Variants in AKAP10 observed in about 807,000 individuals in gnomAD.
The protein encoded by AKAP10 is A-kinase anchor protein 10, mitochondrial.
In AKAP10, 24 loss-of-function variants were observed where a neutral mutation model predicts 80.8. That is an observed-to-expected ratio of 0.30 (90% confidence interval 0.22 to 0.42). The LOEUF is 0.42. AKAP10 is among the 10% of genes least tolerant of loss of function. The probability of loss-of-function intolerance (pLI) is 1.00; values close to 1 mark genes in which losing one functional copy is unlikely to be tolerated. For missense variants in AKAP10, 661 were observed against 794.9 expected, an observed-to-expected ratio of 0.83 and a Z score of 2.03; for synonymous variants, 291 against 277.7, an observed-to-expected ratio of 1.05 and a Z score of -0.48.
At chr17:19,963,175 C>T (rs1389290587) in intron 2 of AKAP10, among the ~76,000 whole-genome samples, 153 bp from the exon 3 acceptor site, 1 of 149,836 alleles carries the variant, frequency 6.7e-6, no homozygotes, top group African/African-American at 2.5e-5. Flanking sequence ...GGAAAAGTAA[C>T]TTAATCAAGT....
chr17:19,924,850 G>A (rs1321802238), intron 10 of AKAP10, among the ~76,000 whole-genome samples: 5 of 151,986 alleles, frequency 3.3e-5, no homozygotes, highest in Non-Finnish European at 7.4e-5. Flanking sequence ...GAAAGTGCTG[G>A]GATTACAGGT....
chr17:19,911,338 C>T (rs947434449), intron 12 of AKAP10, among the ~76,000 whole-genome samples: 1 of 152,210 alleles, frequency 6.6e-6, no homozygotes, highest in Non-Finnish European at 1.5e-5. Flanking sequence ...CACCAAATTT[C>T]ACCTTAGAAT....
At chr17:19,922,200 A>G (rs2042825101) in intron 11 of AKAP10, among the ~76,000 whole-genome samples, 4 of 152,150 alleles carry the variant, frequency 2.6e-5, no homozygotes. Flanking sequence ...CTTGACGTCA[A>G]GAATAATGCA....
At chr17:19,956,294 T>C (rs2043274904) in intron 4 of AKAP10, among the ~76,000 whole-genome samples, 1 of 151,886 alleles carries the variant, frequency 6.6e-6, no homozygotes, top group Non-Finnish European at 1.5e-5. Flanking sequence ...TTATACAGAG[T>C]ACACAGAGAA....
At position 19,958,491 on chromosome 17, in the gene AKAP10, T is replaced by C. The variant is rs149736391; in HGVS notation, c.400A>G (p.Ile134Val). ...KTLEQVLHDT[I>V]VLPYFIQFME... Reference sequence around the variant, plus strand: ...AATTGAATGAAGTAAGGGAGGACAATAGTGTCGTGCAAGACTTGTTCAAGG... The same window carrying C: ...AATTGAATGAAGTAAGGGAGGACAACAGTGTCGTGCAAGACTTGTTCAAGG... Residue 134 changes from isoleucine to valine, a missense_variant, in exon 4 of 15, where the codon ATT becomes GTT. By Grantham distance (29) the Ile-to-Val change is conservative. Transcript: ENST00000225737. 139 of 1,613,508 alleles carry C rather than the reference T, an allele frequency of 8.6e-5. No individual in the cohort carries two copies. The African/African-American group carries it at 1.4e-3, about 16-fold the overall frequency.
At chr17:19,970,329 C>T (rs556985387) in intron 1 of AKAP10, among the ~76,000 whole-genome samples, 1 of 152,302 alleles carries the variant, frequency 6.6e-6, no homozygotes, top group African/African-American at 2.4e-5. Context: ...ACCACGGTTC[C>T]ACTTTTACCA....
intron 10 of AKAP10, 84 bp from the exon 11 acceptor site, chr17:19,924,601 T>G (rs1361033758): frequency 1.2e-6 from 1 of 822,934 alleles, no homozygotes; most frequent in Admixed American, 3.5e-5. Context: ...AAAATTTTCT[T>G]CAGTGTTTGA....
intron 12 of AKAP10, among the ~76,000 whole-genome samples, chr17:19,914,505 G>A (rs2042723382): frequency 6.6e-6 from 1 of 151,694 alleles, no homozygotes; most frequent in Non-Finnish European, 1.5e-5. Context: ...AGCCAAGTAT[G>A]GTGGTGTGTG....
At chr17:19,938,000 T>G (rs958642506) in intron 8 of AKAP10, among the ~76,000 whole-genome samples, 34 of 146,766 alleles carry the variant, frequency 2.3e-4, no homozygotes, top group African/African-American at 8.1e-4. Flanking sequence ...TTTTTTGAGA[T>G]GCAGTCCTCT....
chr17:19,910,049 TGGCCATGGTGGTTCA>T (rs2042672191), intron 12 of AKAP10, 71 bp from the exon 13 acceptor site: 1 of 1,474,798 alleles, frequency 6.8e-7, no homozygotes, highest in Non-Finnish European at 9.4e-7. Context: ...CTTATTTGGC[TGGCCATGGTGGTTCA>T]TGCCTGTAAT....
intron 3 of AKAP10, 122 bp downstream of exon 3, chr17:19,962,718 T>C: frequency 9.6e-7 from 1 of 1,038,212 alleles, no homozygotes; most frequent in Admixed American, 2.5e-5. Flanking sequence ...GTAGCTGTTA[T>C]TTTAAATACA....
rs1400621464 is a variant in AKAP10 at position 19,924,395 on chromosome 17, G to A, written c.1751+13C>T. 1.9e-6 allele frequency: 3 copies of A among 1,543,762 alleles called. No individual in the cohort carries two copies. Among genetic ancestry groups the A allele is most frequent in the Non-Finnish European group, 2.6e-6 (3 of 1,139,970 alleles). Reference sequence around the variant, plus strand: ...TTACACTTGTAAAAATTCTAGGCATGAGCTAAGCTTACCCGGCATATGTCC... The same window carrying A: ...TTACACTTGTAAAAATTCTAGGCATAAGCTAAGCTTACCCGGCATATGTCC... On this transcript the variant is annotated intron_variant, in intron 11 of 14. Transcript: ENST00000225737.
At chr17:19,931,123 G>C (rs1216997804) in intron 10 of AKAP10, among the ~76,000 whole-genome samples, 1 of 151,940 alleles carries the variant, frequency 6.6e-6, no homozygotes, top group Non-Finnish European at 1.5e-5. Flanking sequence ...GCAGCGAGGA[G>C]ACCCTGTCTC....
chr17:19,969,129 A>G (rs2043462082), intron 1 of AKAP10, among the ~76,000 whole-genome samples: 1 of 152,184 alleles, frequency 6.6e-6, no homozygotes, highest in South Asian at 2.1e-4. Flanking sequence ...GGATCACCTG[A>G]GGTCAGTAGC....
intron 12 of AKAP10, among the ~76,000 whole-genome samples, chr17:19,917,721 G>A (rs2042761442): frequency 1.3e-5 from 2 of 151,846 alleles, no homozygotes; most frequent in African/African-American, 4.8e-5. Flanking sequence ...GATCACTTGA[G>A]GCCAGCATGG....
chr17:19,934,592 T>A (rs374033760), intron 9 of AKAP10, among the ~76,000 whole-genome samples: 6 of 152,344 alleles, frequency 3.9e-5, no homozygotes, highest in African/African-American at 1.4e-4. Context: ...TTTTGATGCT[T>A]ACCATGTGTC....
At chr17:19,914,628 CAA>C (rs36071856) in intron 12 of AKAP10, among the ~76,000 whole-genome samples, 30 of 58,514 alleles carry the variant, frequency 5.1e-4, no homozygotes, top group African/African-American at 1.2e-3. Flanking sequence ...GACCCTATCT[CAA>C]AAAAAAAAAA....
chr17:19,910,121 A>C (rs2042672847), intron 12 of AKAP10, 143 bp from the exon 13 acceptor site: 1 of 677,612 alleles, frequency 1.5e-6, no homozygotes, highest in Admixed American at 2.6e-5. Context: ...TGAGGTTAAG[A>C]GTTCAAGACC....
rs374390944 is a variant in AKAP10 at position 19,941,014 on chromosome 17, C to A, written c.1062-4G>T. On this transcript the variant is annotated splice_polypyrimidine_tract_variant and splice_region_variant and intron_variant, in intron 6 of 14. Coordinates refer to ENST00000225737, the MANE Select transcript of AKAP10 (RefSeq NM_007202.4). ...TCGCAGAAACTCACTAAAGTGCCTGCACATGGACAAAAGGGAAAATTTGAG... is the reference window on the plus strand; with the variant it reads ...TCGCAGAAACTCACTAAAGTGCCTGAACATGGACAAAAGGGAAAATTTGAG... 6.3e-7 allele frequency: 1 copy of A among 1,589,958 alleles called. No individual in the cohort carries two copies.
Sources: allele counts gnomAD v4.1 joint callset (sites outside exome capture counted in the v4.1 genomes callset), GRCh38; gene constraint gnomAD v4.1.1; transcripts MANE v1.5; gene names NCBI Gene and HGNC (gene_info 2026-07-23, HGNC 2026-07-21).